MTUS2: variants seen among roughly 807,000 people sequenced by gnomAD.
The protein encoded by MTUS2 is microtubule associated scaffold protein 2.
A neutral mutation model predicts 114.1 loss-of-function variants in MTUS2; 40 were observed. The observed-to-expected ratio is 0.35, with a 90% CI of 0.27 to 0.46. MTUS2 has a LOEUF of 0.46. MTUS2 is among the 20% of genes least tolerant of loss of function. The pLI, the probability that MTUS2 is intolerant of heterozygous loss-of-function variation, is 1.00. For missense variants in MTUS2, 1,679 were observed against 1,705.4 expected, an observed-to-expected ratio of 0.98 and a Z score of 0.27; for synonymous variants, 688 against 672.0, an observed-to-expected ratio of 1.02 and a Z score of -0.37.
intron 4 of MTUS2, among the ~76,000 whole-genome samples, chr13:29,035,388 A>G (rs1401319674): frequency 6.6e-6 from 1 of 152,092 alleles, no homozygotes. Flanking sequence ...AGAGGTTCTT[A>G]ATTTGGAGAC....
chr13:29,160,508 C>T lies in MTUS2; in HGVS notation c.2644+59538C>T, dbSNP rs148959722. Among the ~76,000 whole-genome samples, 420 of 152,266 alleles carry T rather than the reference C, an allele frequency of 2.8e-3. 3 individuals carry two copies. The highest frequency in any genetic ancestry group is 9.6e-3 in the African/African-American group (400 of 41,548). On this transcript the variant is annotated intron_variant, in intron 5 of 15. Coordinates refer to ENST00000612955, the MANE Select transcript of MTUS2 (RefSeq NM_001033602.4). Reference sequence around the variant, plus strand: ...ATCTGGGGCTGGGCGCGGTGGCTCACGCCTATAATCCCAGCACTTTGGGAG... The same window carrying T: ...ATCTGGGGCTGGGCGCGGTGGCTCATGCCTATAATCCCAGCACTTTGGGAG...
chr13:29,004,715 A>G (rs1389311498), intron 2 of MTUS2, among the ~76,000 whole-genome samples: 1 of 152,244 alleles, frequency 6.6e-6, no homozygotes, highest in Non-Finnish European at 1.5e-5. Context: ...CTAAACAAGC[A>G]TGTTTCTTTC....
intron 2 of MTUS2, among the ~76,000 whole-genome samples, chr13:28,996,111 T>C (rs1359863663): frequency 1.3e-5 from 2 of 152,076 alleles, no homozygotes; most frequent in East Asian, 3.9e-4. Context: ...GCATGAAGGG[T>C]TGTTGAATTT....
chr13:29,110,629 CTTTTCTT>C (rs1456329887), intron 5 of MTUS2, among the ~76,000 whole-genome samples: 1 of 152,040 alleles, frequency 6.6e-6, no homozygotes, highest in African/African-American at 2.4e-5. Flanking sequence ...TCTCTTTCCT[CTTTTCTT>C]TGCTTCCTTC....
intron 1 of MTUS2, among the ~76,000 whole-genome samples, chr13:28,831,195 CTA>C (rs1478848180): frequency 6.6e-6 from 1 of 151,994 alleles, no homozygotes; most frequent in African/African-American, 2.4e-5. Flanking sequence ...TGAAAAATAT[CTA>C]TTTAACACAA....
chr13:28,950,693 T>G (rs1845780), intron 2 of MTUS2, among the ~76,000 whole-genome samples: 50,887 of 152,042 alleles, frequency 0.33, 8,557 homozygotes, highest in East Asian at 0.43. Flanking sequence ...AAGTTTGCCA[T>G]CTTATATGGG....
intron 2 of MTUS2, among the ~76,000 whole-genome samples, chr13:28,901,036 G>A (rs1879615585): frequency 6.6e-6 from 1 of 152,152 alleles, no homozygotes; most frequent in Non-Finnish European, 1.5e-5. Context: ...ATCCTCAGCA[G>A]CATTTGGTGG....
At chr13:28,998,045 T>C (rs1885200606) in intron 2 of MTUS2, among the ~76,000 whole-genome samples, 1 of 152,178 alleles carries the variant, frequency 6.6e-6, no homozygotes, top group Non-Finnish European at 1.5e-5. Flanking sequence ...TTCCTTTCCA[T>C]GTTTATTGCT....
At chr13:29,300,820 C>T (rs1268749677) in intron 6 of MTUS2, among the ~76,000 whole-genome samples, 1 of 152,126 alleles carries the variant, frequency 6.6e-6, no homozygotes, top group Admixed American at 6.5e-5. Flanking sequence ...CAGAGCTTAT[C>T]ATCCACAGGC....
chr13:29,460,951 C>A (rs928769348), intron 9 of MTUS2, among the ~76,000 whole-genome samples: 16 of 150,170 alleles, frequency 1.1e-4, no homozygotes, highest in African/African-American at 3.7e-4. Flanking sequence ...GGATTTTTCT[C>A]TTTTCTTTAG....
chr13:29,384,170 G>T (rs970944835), intron 8 of MTUS2, among the ~76,000 whole-genome samples: 1 of 152,176 alleles, frequency 6.6e-6, no homozygotes, highest in Non-Finnish European at 1.5e-5. Flanking sequence ...ACAATAAGGG[G>T]AAATATTACA....
chr13:29,312,188 C>G (rs947712130), intron 6 of MTUS2, among the ~76,000 whole-genome samples: 1 of 152,216 alleles, frequency 6.6e-6, no homozygotes, highest in African/African-American at 2.4e-5. Context: ...AAATCTTTGC[C>G]CAAACCTCTG....
At chr13:29,111,397 C>G (rs187852354) in intron 5 of MTUS2, among the ~76,000 whole-genome samples, 4 of 152,312 alleles carry the variant, frequency 2.6e-5, no homozygotes, top group Admixed American at 2.6e-4. Context: ...TGCTCTTACC[C>G]TCTCTCTAAT....
At chr13:29,287,296 G>A (rs76657382) in intron 6 of MTUS2, among the ~76,000 whole-genome samples, 138 of 152,278 alleles carry the variant, frequency 9.1e-4, no homozygotes, top group African/African-American at 3.2e-3. Flanking sequence ...TGTGAAGCAG[G>A]GCGATGCCCA....
intron 5 of MTUS2, among the ~76,000 whole-genome samples, chr13:29,278,609 G>T (rs1898153622): frequency 6.6e-6 from 1 of 152,188 alleles, no homozygotes; most frequent in Non-Finnish European, 1.5e-5. Flanking sequence ...TTAAAATCCA[G>T]TGATGCTACA....
intron 6 of MTUS2, among the ~76,000 whole-genome samples, chr13:29,321,214 A>G (rs1900241055): frequency 6.6e-6 from 1 of 152,034 alleles, no homozygotes; most frequent in Non-Finnish European, 1.5e-5. Flanking sequence ...ACTGGACAGG[A>G]GAAGGCTGAG....
Position 29,304,734 on chromosome 13 carries a change from CAG to C in MTUS2, c.2807-19877_2807-19876del, listed in dbSNP as rs1899362359. Among the ~76,000 whole-genome samples, 11 of 152,232 alleles carry C rather than the reference CAG, an allele frequency of 7.2e-5. No individual in the cohort carries two copies. In the South Asian group the frequency reaches 2.3e-3, roughly 32 times the overall value. On this transcript the variant is annotated intron_variant, in intron 6 of 15. Coordinates refer to ENST00000612955, the MANE Select transcript of MTUS2 (RefSeq NM_001033602.4). ...GACAATATTAGACAGATGATCAAGA[CAG>C]AAAATTAACAAAGATGTTCAGGATC...
intron 3 of MTUS2, 79 bp from the exon 4 acceptor site, chr13:29,033,806 G>C: frequency 6.4e-7 from 1 of 1,553,590 alleles, no homozygotes. Context: ...CATTGGTTCA[G>C]CCTCGGTCTC....
chr13:29,240,571 A>G (rs992287662), intron 5 of MTUS2, among the ~76,000 whole-genome samples: 4 of 151,040 alleles, frequency 2.6e-5, no homozygotes, highest in Admixed American at 2.0e-4. Context: ...ATACCGACAC[A>G]TTACTTTTGT....
Sources: gnomAD v4.1 joint callset for allele counts (sites outside exome capture counted in the v4.1 genomes callset) on GRCh38, gnomAD v4.1.1 for gene constraint, MANE v1.5 for transcripts, NCBI Gene and HGNC (gene_info 2026-07-23, HGNC 2026-07-21) for gene names.